The following LRBA variants were observed in gnomAD, a reference collection of about 807,000 sequenced individuals.
LRBA encodes LPS responsive beige-like anchor protein.
Under a neutral mutation model 330.0 loss-of-function variants are expected in LRBA, and 176 were observed. The ratio of observed to expected loss-of-function variants is 0.53; its 90% CI spans 0.47 to 0.60. LRBA has a LOEUF of 0.60. Among genes scored for constraint, LRBA ranks in the 20% least tolerant of loss-of-function variants. LRBA has a pLI of 0.00. For missense variants in LRBA, 3,259 were observed against 3,444.8 expected, an observed-to-expected ratio of 0.95 and a Z score of 1.35; for synonymous variants, 1,230 against 1,193.0, an observed-to-expected ratio of 1.03 and a Z score of -0.64.
chr4:151,011,382 G>A (rs1422893413), intron 2 of LRBA, among the ~76,000 whole-genome samples: 1 of 152,092 alleles, frequency 6.6e-6, no homozygotes, highest in Non-Finnish European at 1.5e-5. Context: ...TGGATCACCT[G>A]AGGTCAAGAT....
At chr4:150,421,262 TTATA>T (rs200157218) in intron 46 of LRBA, among the ~76,000 whole-genome samples, 31,070 of 139,870 alleles carry the variant, frequency 0.22, 4,036 homozygotes, top group Non-Finnish European at 0.3. Flanking sequence ...CATACATATT[TTATA>T]TATATAATAT....
At chr4:150,777,986 A>C (rs1578752209) in intron 34 of LRBA, among the ~76,000 whole-genome samples, 2 of 151,106 alleles carry the variant, frequency 1.3e-5, no homozygotes. Context: ...AAAAAAAAAA[A>C]AAAAAAAAAA....
chr4:150,999,983 T>C (rs934407612), intron 2 of LRBA, among the ~76,000 whole-genome samples: 1 of 152,224 alleles, frequency 6.6e-6, no homozygotes, highest in Non-Finnish European at 1.5e-5. Context: ...ACTATGTTTT[T>C]TTGTATACAC....
rs911011526 is a variant in LRBA, at chr4:150,665,629, A to T, written c.5921+17922T>A. ...TGTGCCTATTCCAGAATGTCATACA[A>T]ATGGAATCAATCACATTTGCACATA... On this transcript the variant is annotated intron_variant, in intron 37 of 56. Coordinates refer to ENST00000651943, the MANE Select transcript of LRBA (RefSeq NM_001364905.1). 2.0e-5 allele frequency among the ~76,000 whole-genome samples: 3 copies of T among 152,210 alleles called. No individual in the cohort carries two copies. The East Asian group carries it at 5.8e-4, about 29-fold the overall frequency.
rs376153458 is a variant in LRBA at position 150,860,622 on chromosome 4, T to C, written c.2766+7049A>G. Among the ~76,000 whole-genome samples, 406 of 152,040 alleles carry C rather than the reference T, an allele frequency of 2.7e-3. 4 individuals are homozygous for C. Among genetic ancestry groups the C allele is most frequent in the South Asian group, 0.024 (116 of 4,812 alleles). ...GCGCGTGGATCACGAGGTCAGGAGA[T>C]CGAGACCATCCTGGCTAACATGGTG... On this transcript the variant is annotated intron_variant, in intron 22 of 56. Coordinates refer to ENST00000651943, the MANE Select transcript of LRBA (RefSeq NM_001364905.1).
intron 37 of LRBA, among the ~76,000 whole-genome samples, chr4:150,625,538 C>G (rs1048279827): frequency 1.3e-5 from 2 of 151,922 alleles, no homozygotes; most frequent in Non-Finnish European, 2.9e-5. Context: ...CTCCACTGTT[C>G]ACAAACAATC....
chr4:150,405,465 A>C (rs1746064668), intron 47 of LRBA, among the ~76,000 whole-genome samples: 1 of 152,178 alleles, frequency 6.6e-6, no homozygotes, highest in South Asian at 2.1e-4. Flanking sequence ...TTTTAATTCC[A>C]TTCCTAGATG....
chr4:150,380,087 G>A (rs949204963), intron 47 of LRBA, among the ~76,000 whole-genome samples: 2 of 150,760 alleles, frequency 1.3e-5, no homozygotes, highest in African/African-American at 4.9e-5. Context: ...GCTGAGGCAG[G>A]AGAATCACTT....
intron 41 of LRBA, among the ~76,000 whole-genome samples, chr4:150,488,955 T>C (rs1162498644): frequency 7.6e-6 from 1 of 132,098 alleles, no homozygotes; most frequent in East Asian, 2.0e-4. Flanking sequence ...ATATATAACA[T>C]ATAATATATT....
At chr4:150,338,783 T>C (rs1033269022) in intron 48 of LRBA, among the ~76,000 whole-genome samples, 1 of 152,084 alleles carries the variant, frequency 6.6e-6, no homozygotes, top group Non-Finnish European at 1.5e-5. Flanking sequence ...CACATCAAAG[T>C]GCATCAAAGA....
intron 34 of LRBA, among the ~76,000 whole-genome samples, chr4:150,773,346 G>A (rs1266479874): frequency 6.6e-6 from 1 of 152,236 alleles, no homozygotes; most frequent in East Asian, 1.9e-4. Context: ...ACGACTTCTA[G>A]TGGTCCTTAT....
intron 56 of LRBA, among the ~76,000 whole-genome samples, chr4:150,273,998 G>T (rs1213029225): frequency 1.3e-5 from 2 of 152,154 alleles, no homozygotes; most frequent in African/African-American, 4.8e-5. Context: ...CAAATCATCA[G>T]AATATTCATT....
intron 37 of LRBA, among the ~76,000 whole-genome samples, chr4:150,617,443 A>T: frequency 6.6e-6 from 1 of 151,144 alleles, no homozygotes; most frequent in Non-Finnish European, 1.5e-5. Flanking sequence ...GGAGTTTGGG[A>T]CCAGGCTGGC....
At chr4:150,551,404 A>C (rs1261708910) in intron 40 of LRBA, among the ~76,000 whole-genome samples, 1 of 152,076 alleles carries the variant, frequency 6.6e-6, no homozygotes, top group Non-Finnish European at 1.5e-5. Context: ...AAAAAGCAGG[A>C]GTGGTGGCTC....
At chr4:150,850,664 T>C in intron 24 of LRBA, 60 bp downstream of exon 24, 1 of 1,016,818 alleles carries the variant, frequency 9.8e-7, no homozygotes, top group Non-Finnish European at 1.4e-6. Flanking sequence ...TTTCTATGGA[T>C]TTCTTTGAAA....
chr4:150,567,654 T>C (rs553704164), intron 40 of LRBA, among the ~76,000 whole-genome samples: 2 of 152,298 alleles, frequency 1.3e-5, no homozygotes, highest in African/African-American at 4.8e-5. Context: ...AGCATAGTGG[T>C]TGGCACAGAA....
chr4:150,359,666 G>T (rs1010951619), intron 47 of LRBA, among the ~76,000 whole-genome samples: 1 of 152,036 alleles, frequency 6.6e-6, no homozygotes, highest in African/African-American at 2.4e-5. Flanking sequence ...TTTAGTGGAA[G>T]TTTGTACACT....
At chr4:150,441,934 A>C (rs573641645) in intron 44 of LRBA, among the ~76,000 whole-genome samples, 28 of 152,284 alleles carry the variant, frequency 1.8e-4, no homozygotes, top group Non-Finnish European at 2.4e-4. Context: ...CACACACACA[A>C]AAAAATACTT....
intron 34 of LRBA, among the ~76,000 whole-genome samples, chr4:150,763,869 G>C (rs755415528): frequency 4.0e-4 from 61 of 152,012 alleles, no homozygotes; most frequent in Admixed American, 7.2e-4. Context: ...AGAAGATGAA[G>C]AGAACATAAC....
Sources: allele counts gnomAD v4.1 joint callset (sites outside exome capture counted in the v4.1 genomes callset), GRCh38; gene constraint gnomAD v4.1.1; transcripts MANE v1.5; gene names NCBI Gene and HGNC (gene_info 2026-07-23, HGNC 2026-07-21).